Variants in NUDT3 observed in about 807,000 individuals in gnomAD.
The protein encoded by NUDT3 is nudix hydrolase 3, also known as diphosphoinositol polyphosphate phosphohydrolase 1.
NUDT3 carries 9 observed loss-of-function variants against 23.6 expected under a neutral mutation model. That is an observed-to-expected ratio of 0.38 (90% confidence interval 0.23 to 0.66). The LOEUF (loss-of-function observed/expected upper bound fraction) is 0.66, where lower values mean the gene tolerates loss of function less well. Ranked by LOEUF, NUDT3 falls within the 30% of genes least tolerant of loss-of-function variation. NUDT3 has a pLI of 0.52. For missense variants in NUDT3, 172 were observed against 218.5 expected (o/e 0.79, Z 1.34); for synonymous variants, 86 against 82.6 (o/e 1.04, Z -0.22).
At chr6:34,392,150 C>T (rs1232042667) in intron 1 of NUDT3, 114 bp downstream of exon 1, 4 of 706,186 alleles carry the variant, frequency 5.7e-6, no homozygotes, top group Non-Finnish European at 8.9e-6. Flanking sequence ...GAACTTCATT[C>T]CGCCCGAGCG....
intron 2 of NUDT3, among the ~76,000 whole-genome samples, chr6:34,311,826 T>A (rs1289470701): frequency 6.6e-6 from 1 of 152,162 alleles, no homozygotes; most frequent in Admixed American, 6.5e-5. Context: ...AGAAAAAAAT[T>A]GTCTTTTCTA....
intron 1 of NUDT3, among the ~76,000 whole-genome samples, chr6:34,363,763 ATTT>A (rs1262535200): frequency 6.6e-6 from 1 of 151,192 alleles, no homozygotes; most frequent in Non-Finnish European, 1.5e-5. Context: ...CCCAGCAGTA[ATTT>A]TTTTTCTTTT....
At chr6:34,351,431 C>T (rs1344816261) in intron 1 of NUDT3, among the ~76,000 whole-genome samples, 1 of 137,382 alleles carries the variant, frequency 7.3e-6, no homozygotes, top group African/African-American at 2.8e-5. Flanking sequence ...TAAGGCAAGA[C>T]CATGTCTTTA....
intron 2 of NUDT3, among the ~76,000 whole-genome samples, chr6:34,296,589 A>G (rs1763502954): frequency 1.3e-5 from 2 of 152,150 alleles, no homozygotes; most frequent in Admixed American, 6.6e-5. Context: ...ACATACATAC[A>G]TACATACACG....
intron 1 of NUDT3, among the ~76,000 whole-genome samples, chr6:34,358,541 A>G (rs753128738): frequency 1.2e-4 from 18 of 152,172 alleles, no homozygotes; most frequent in Non-Finnish European, 2.4e-4. Flanking sequence ...TTCACAGGTT[A>G]GTATTAAAAT....
intron 2 of NUDT3, among the ~76,000 whole-genome samples, chr6:34,306,301 G>A (rs1379951917): frequency 6.6e-6 from 1 of 152,158 alleles, no homozygotes; most frequent in East Asian, 1.9e-4. Context: ...AGCAAGCTTT[G>A]TGATAAGCAG....
At chr6:34,304,854 TAG>T (rs1390246996) in intron 2 of NUDT3, among the ~76,000 whole-genome samples, 1 of 148,800 alleles carries the variant, frequency 6.7e-6, no homozygotes, top group Non-Finnish European at 1.5e-5. Flanking sequence ...TTTTTTTTGG[TAG>T]AGATGAGGTC....
chr6:34,324,862 G>A (rs1581866370), intron 2 of NUDT3, among the ~76,000 whole-genome samples: 1 of 128,284 alleles, frequency 7.8e-6, no homozygotes, highest in African/African-American at 2.5e-5. Flanking sequence ...TCTCTGAAAA[G>A]AGAGAGAGGC....
At chr6:34,332,578 T>C (rs1474083737) in intron 2 of NUDT3, among the ~76,000 whole-genome samples, 1 of 152,208 alleles carries the variant, frequency 6.6e-6, no homozygotes, top group Non-Finnish European at 1.5e-5. Context: ...TGTTTAAGGG[T>C]CAACTGTATT....
At chr6:34,294,320 CCAT>C (rs1763467530) in intron 3 of NUDT3, among the ~76,000 whole-genome samples, 1 of 151,948 alleles carries the variant, frequency 6.6e-6, no homozygotes, top group African/African-American at 2.4e-5. Flanking sequence ...CAGGATTTCA[CCAT>C]GTTGCCCAGG....
rs1349705500 is a variant in NUDT3, at chr6:34,281,140, T to C, written c.*7613A>G. On this transcript the variant is annotated 3_prime_UTR_variant, in exon 5 of 5. Coordinates refer to ENST00000607016, the MANE Select transcript of NUDT3 (RefSeq NM_006703.4). ...ATGTTAACCTTTCTGATGCTGATAG[T>C]AGATGAGTGGAGTGGAGGTAATCGT... is the stretch of plus-strand genomic sequence containing the variant. 2 of 152,196 alleles carry C rather than the reference T, an allele frequency of 1.3e-5. No individual in the cohort carries two copies. Among genetic ancestry groups the C allele is most frequent in the Non-Finnish European group, 2.9e-5 (2 of 68,058 alleles). The allele number at this position is 152,196 out of a possible 1,614,324, so 9.4% of individuals were successfully genotyped here.
At position 34,288,531 on chromosome 6, in the gene NUDT3, T is replaced by G. The variant is rs1171199771; in HGVS notation, c.*222A>C. The G allele has an allele frequency of 1.8e-6, 1 of 568,040 alleles. No homozygotes were observed. The highest frequency in any genetic ancestry group is 2.0e-5 in the African/African-American group (1 of 51,218). The allele number at this position is 568,040 out of a possible 1,614,324, so 35.2% of individuals were successfully genotyped here. A position where few individuals can be genotyped will look rare whatever the true frequency, so the allele number is the denominator to read the frequency against. On this transcript the variant is annotated 3_prime_UTR_variant, in exon 5 of 5. Transcript: ENST00000607016. ...AGGGACAGATCATGCACAAAAGTAC[T>G]TACAAATTACACACCCAACCCCCAC...
At chr6:34,327,150 A>G (rs1764048165) in intron 2 of NUDT3, among the ~76,000 whole-genome samples, 1 of 152,152 alleles carries the variant, frequency 6.6e-6, no homozygotes, top group Non-Finnish European at 1.5e-5. Flanking sequence ...TCACATGATC[A>G]TAGGACAGGG....
chr6:34,313,549 T>C (rs961395123), intron 2 of NUDT3, among the ~76,000 whole-genome samples: 2 of 151,938 alleles, frequency 1.3e-5, no homozygotes, highest in Non-Finnish European at 2.9e-5. Flanking sequence ...CCGTAGCAAA[T>C]GTACTGCTGT....
At chr6:34,345,935 A>G (rs1764362051) in intron 1 of NUDT3, among the ~76,000 whole-genome samples, 1 of 151,642 alleles carries the variant, frequency 6.6e-6, no homozygotes, top group African/African-American at 2.4e-5. Context: ...CGCCCGGCCG[A>G]TTTTTGTATT....
At chr6:34,379,364 A>G (rs1764975585) in intron 1 of NUDT3, among the ~76,000 whole-genome samples, 1 of 151,772 alleles carries the variant, frequency 6.6e-6, no homozygotes, top group Non-Finnish European at 1.5e-5. Flanking sequence ...GTTTGAAACC[A>G]GCCTGGCCAA....
chr6:34,373,278 CAA>C (rs55952536), intron 1 of NUDT3, among the ~76,000 whole-genome samples: 8 of 87,000 alleles, frequency 9.2e-5, no homozygotes, highest in Non-Finnish European at 1.2e-4. Context: ...GACTCCGTCT[CAA>C]AAAAAAAAAA....
At chr6:34,376,461 G>C (rs1011493733) in intron 1 of NUDT3, among the ~76,000 whole-genome samples, 1 of 152,076 alleles carries the variant, frequency 6.6e-6, no homozygotes, top group African/African-American at 2.4e-5. Flanking sequence ...TATTTTTGTA[G>C]AGATGGGGTC....
At chr6:34,388,002 A>G (rs912329796) in intron 1 of NUDT3, among the ~76,000 whole-genome samples, 1 of 152,126 alleles carries the variant, frequency 6.6e-6, no homozygotes, top group African/African-American at 2.4e-5. Context: ...TGGTCAGGTG[A>G]ACCATTTTTT....
Sources: gnomAD v4.1 joint callset for allele counts (sites outside exome capture counted in the v4.1 genomes callset) on GRCh38, gnomAD v4.1.1 for gene constraint, MANE v1.5 for transcripts, NCBI Gene and HGNC (gene_info 2026-07-23, HGNC 2026-07-21) for gene names.